Variants in SORCS1 observed in about 807,000 individuals in gnomAD.
SORCS1 encodes sortilin related VPS10 domain containing receptor 1.
In SORCS1, 60 loss-of-function variants were observed where a neutral mutation model predicts 146.1. The ratio of observed to expected loss-of-function variants is 0.41; its 90% CI spans 0.33 to 0.51. The LOEUF is 0.51. SORCS1 is among the 20% of genes least tolerant of loss of function. SORCS1 has a pLI of 0.21. For missense variants in SORCS1, 1,352 were observed against 1,487.6 expected (o/e 0.91, Z 1.50); for synonymous variants, 637 against 584.0 (o/e 1.09, Z -1.31).
chr10:107,127,754 G>C (rs978364055), intron 1 of SORCS1, among the ~76,000 whole-genome samples: 1 of 152,212 alleles, frequency 6.6e-6, no homozygotes, highest in Non-Finnish European at 1.5e-5. Context: ...AGCCTTACCA[G>C]ATTTCTTCCA....
chr10:106,975,217 A>G (rs2139266075), intron 1 of SORCS1, among the ~76,000 whole-genome samples: 1 of 152,306 alleles, frequency 6.6e-6, no homozygotes, highest in East Asian at 1.9e-4. Flanking sequence ...CTTACCTTAA[A>G]TGGTTTAAAT....
At chr10:106,917,026 AGCCACC>A (rs1056158746) in intron 2 of SORCS1, among the ~76,000 whole-genome samples, 1 of 152,180 alleles carries the variant, frequency 6.6e-6, no homozygotes. Context: ...TATAGGCGTG[AGCCACC>A]GCACCCAGCC....
intron 2 of SORCS1, among the ~76,000 whole-genome samples, chr10:106,911,396 G>C (rs937245140): frequency 5.9e-5 from 9 of 152,066 alleles, no homozygotes. Context: ...CACCACCCTC[G>C]TGTCCACTGA....
intron 24 of SORCS1, among the ~76,000 whole-genome samples, chr10:106,588,647 G>A (rs576788976): frequency 1.3e-5 from 2 of 151,820 alleles, no homozygotes; most frequent in South Asian, 4.2e-4. Context: ...AGATCACGAG[G>A]TCAGGAGATC....
chr10:106,976,345 T>TG (rs1564878158), intron 1 of SORCS1, among the ~76,000 whole-genome samples: 13 of 148,276 alleles, frequency 8.8e-5, no homozygotes, highest in African/African-American at 3.2e-4. Flanking sequence ...TTTTTTTTTT[T>TG]TTTTGAGACG....
At chr10:106,627,528 T>C (rs1209545434) in intron 19 of SORCS1, among the ~76,000 whole-genome samples, 2 of 152,328 alleles carry the variant, frequency 1.3e-5, no homozygotes, top group Middle Eastern at 3.4e-3. Flanking sequence ...TTGTTAAAGA[T>C]TTTAGTATGA....
intron 1 of SORCS1, among the ~76,000 whole-genome samples, chr10:106,966,740 A>G (rs1484406879): frequency 6.6e-6 from 1 of 152,162 alleles, no homozygotes; most frequent in Non-Finnish European, 1.5e-5. Context: ...GCCAGAGGTC[A>G]TTTGTAGCTA....
upstream of SORCS1, among the ~76,000 whole-genome samples, chr10:107,168,658 G>T: frequency 7.5e-6 from 1 of 133,862 alleles, no homozygotes; most frequent in South Asian, 2.4e-4. Context: ...AAATGTACCA[G>T]CTCATGCCTT....
At chr10:107,154,869 A>C (rs1319550946) in intron 1 of SORCS1, among the ~76,000 whole-genome samples, 5 of 152,338 alleles carry the variant, frequency 3.3e-5, no homozygotes, top group South Asian at 2.1e-4. Flanking sequence ...AAGTTATACT[A>C]TCTCTGTTAA....
At chr10:107,124,802 C>A (rs1311581863) in intron 1 of SORCS1, among the ~76,000 whole-genome samples, 1 of 152,120 alleles carries the variant, frequency 6.6e-6, no homozygotes, top group Non-Finnish European at 1.5e-5. Flanking sequence ...GTGTAATTTT[C>A]TCTTTACAAA....
chr10:106,731,031 C>T lies in SORCS1; in HGVS notation c.960-917G>A, dbSNP rs572545681. ...ATGTTAAAACTACTTATCCCTGGGC[C>T]GGGCGTGGTGGCTCACGCCTGTAAT... On this transcript the variant is annotated intron_variant, in intron 5 of 25. Coordinates refer to ENST00000263054, the MANE Select transcript of SORCS1 (RefSeq NM_052918.5). 6.2e-4 allele frequency among the ~76,000 whole-genome samples: 94 copies of T among 152,186 alleles called. No individual in the cohort carries two copies. The South Asian group carries it at 6.4e-3, about 10-fold the overall frequency.
chr10:107,117,194 G>C (rs1241461870), intron 1 of SORCS1, among the ~76,000 whole-genome samples: 1 of 152,138 alleles, frequency 6.6e-6, no homozygotes, highest in East Asian at 1.9e-4. Context: ...TGTGAACTAT[G>C]AACTTAATCC....
chr10:106,964,139 T>C (rs1412858498), intron 1 of SORCS1, among the ~76,000 whole-genome samples: 1 of 152,168 alleles, frequency 6.6e-6, no homozygotes, highest in Non-Finnish European at 1.5e-5. Flanking sequence ...TCAAGTCTTC[T>C]GGTTTACCTA....
rs541017430 is a variant in SORCS1, at chr10:106,715,801, A to C, written c.1025-6460T>G. Among the ~76,000 whole-genome samples, 13 of 152,222 alleles carry C rather than the reference A, an allele frequency of 8.5e-5. No homozygotes were observed. The South Asian group carries it at 2.7e-3, about 32-fold the overall frequency. Reference sequence around the variant, plus strand: ...AGGACAGAGTCTCACTCTGTCACCCAGGCTGGAGTACAGTGGCAGCGATCT... The same window carrying C: ...AGGACAGAGTCTCACTCTGTCACCCCGGCTGGAGTACAGTGGCAGCGATCT... On this transcript the variant is annotated intron_variant, in intron 6 of 25. Coordinates refer to ENST00000263054, the MANE Select transcript of SORCS1 (RefSeq NM_052918.5).
intron 2 of SORCS1, among the ~76,000 whole-genome samples, chr10:106,919,150 T>C (rs1952583759): frequency 6.6e-6 from 1 of 152,234 alleles, no homozygotes; most frequent in Non-Finnish European, 1.5e-5. Flanking sequence ...ATATTGTGCA[T>C]TTGAATGTCT....
chr10:106,756,260 G>A (rs1858630892), intron 5 of SORCS1, among the ~76,000 whole-genome samples: 1 of 152,128 alleles, frequency 6.6e-6, no homozygotes, highest in African/African-American at 2.4e-5. Context: ...AAATAGATAT[G>A]AATAATATTA....
At chr10:107,122,674 T>C (rs773749837) in intron 1 of SORCS1, among the ~76,000 whole-genome samples, 1 of 152,000 alleles carries the variant, frequency 6.6e-6, no homozygotes, top group Non-Finnish European at 1.5e-5. Flanking sequence ...CATTATAAAA[T>C]GTCTATCATC....
At chr10:106,606,647 C>A (rs1312224192) in intron 23 of SORCS1, among the ~76,000 whole-genome samples, 1 of 152,196 alleles carries the variant, frequency 6.6e-6, no homozygotes, top group East Asian at 1.9e-4. Context: ...ATAATTTAGC[C>A]GTTCCCTGCT....
At position 106,681,666 on chromosome 10, in the gene SORCS1, T is replaced by G. The variant is rs541109905; in HGVS notation, c.1561-1932A>C. Reference sequence around the variant, plus strand: ...TGCTTGCGGATTATCCCTAGACATATGAGCTTAACAGAGGACTTTCTGCAC... The same window carrying G: ...TGCTTGCGGATTATCCCTAGACATAGGAGCTTAACAGAGGACTTTCTGCAC... On this transcript the variant is annotated intron_variant, in intron 10 of 25. Transcript: ENST00000263054. 5.3e-4 allele frequency among the ~76,000 whole-genome samples: 80 copies of G among 152,254 alleles called. No individual in the cohort carries two copies. In the Middle Eastern group the frequency reaches 0.01, roughly 19 times the overall value.
Sources: gnomAD v4.1 joint callset for allele counts (sites outside exome capture counted in the v4.1 genomes callset) on GRCh38, gnomAD v4.1.1 for gene constraint, MANE v1.5 for transcripts, NCBI Gene and HGNC (gene_info 2026-07-23, HGNC 2026-07-21) for gene names.